GDF5: variants seen among roughly 807,000 people sequenced by gnomAD.
The protein encoded by GDF5 is growth/differentiation factor 5.
A neutral mutation model predicts 34.6 loss-of-function variants in GDF5; 17 were observed. That is an observed-to-expected ratio of 0.49 (90% confidence interval 0.34 to 0.74). The LOEUF (loss-of-function observed/expected upper bound fraction) is 0.74. Among genes scored for constraint, GDF5 ranks in the 30% least tolerant of loss-of-function variants. The probability of loss-of-function intolerance (pLI) is 0.01; values close to 1 mark genes in which losing one functional copy is unlikely to be tolerated. For synonymous variants in GDF5, 332 were observed against 290.7 expected (o/e 1.14, Z -1.44); for missense variants, 616 against 661.2 (o/e 0.93, Z 0.75).
intron 1 of GDF5, among the ~76,000 whole-genome samples, chr20:35,444,890 G>A (rs1026244176): frequency 4.6e-5 from 7 of 152,060 alleles, no homozygotes; most frequent in African/African-American, 9.7e-5. Flanking sequence ...ACCGCACCCC[G>A]TCTAATTTTT....
chr20:35,440,730 A>G (rs149328451), upstream of GDF5, among the ~76,000 whole-genome samples: 99 of 152,236 alleles, frequency 6.5e-4, no homozygotes, highest in African/African-American at 2.4e-3. Context: ...ATTTTGTCAT[A>G]TTTTAAAATC....
At chr20:35,436,509 G>A (rs2062473417) in intron 1 of GDF5, among the ~76,000 whole-genome samples, 1 of 152,140 alleles carries the variant, frequency 6.6e-6, no homozygotes, top group Non-Finnish European at 1.5e-5. Context: ...GGAGGGACTT[G>A]CTTAGATCAC....
upstream of GDF5, among the ~76,000 whole-genome samples, chr20:35,438,861 T>A (rs1166982607): frequency 3.3e-4 from 11 of 33,318 alleles, no homozygotes; most frequent in Non-Finnish European, 5.7e-4. Flanking sequence ...GTGTGTGTGT[T>A]TATGTGCCTG....
At chr20:35,452,214 A>G (rs1319398089) in intron 1 of GDF5, among the ~76,000 whole-genome samples, 1 of 152,128 alleles carries the variant, frequency 6.6e-6, no homozygotes, top group Non-Finnish European at 1.5e-5. Context: ...GGCTCAGATA[A>G]TATCCAGTTG....
At chr20:35,453,724 G>A (rs527634621) in intron 1 of GDF5, among the ~76,000 whole-genome samples, 2 of 152,080 alleles carry the variant, frequency 1.3e-5, no homozygotes, top group South Asian at 4.1e-4. Context: ...TGTTCTTACA[G>A]GAGAAAGATA....
upstream of GDF5, among the ~76,000 whole-genome samples, chr20:35,442,509 C>T (rs2062501055): frequency 6.7e-6 from 1 of 149,958 alleles, no homozygotes; most frequent in South Asian, 2.1e-4. Context: ...CCGCCGTGCC[C>T]AGCCCGAAGG....
At chr20:35,436,999 G>A (rs368382933) in intron 1 of GDF5, among the ~76,000 whole-genome samples, 17 of 152,180 alleles carry the variant, frequency 1.1e-4, no homozygotes, top group South Asian at 6.2e-4. Flanking sequence ...ATCAAGTCTC[G>A]GAATCTGGTC....
rs535023630 is a variant in GDF5, at chr20:35,433,520, G to A, written c.*389C>T. The A allele has an allele frequency of 6.3e-5, 22 of 348,776 alleles. No homozygotes were observed. The East Asian group carries it at 1.3e-3, about 20-fold the overall frequency. 21.6% of individuals were successfully genotyped at this position (348,776 alleles called of 1,614,324 possible). On this transcript the variant is annotated 3_prime_UTR_variant, in exon 2 of 2. Transcript: ENST00000374369. ...GTCACCAGGCACAAATGTGATTTGAGGAGGCAGTGGCACCTGTGGCTCTCC... is the reference window on the plus strand; with the variant it reads ...GTCACCAGGCACAAATGTGATTTGAAGAGGCAGTGGCACCTGTGGCTCTCC...
chr20:35,434,332 G>A lies in GDF5; in HGVS notation c.1083C>T (p.Arg361=), dbSNP rs143723090. 4.2e-5 allele frequency: 68 copies of A among 1,614,054 alleles called. 1 individual carries two copies. The African/African-American group carries it at 7.5e-4, about 18-fold the overall frequency. The change falls in exon 2 of 2, where the codon CGC becomes CGT. Residue 361 remains arginine (R), a synonymous_variant. Transcript: ENST00000374369. ...ACACGGTCTTATCGTCCTGGCCAGA[G>A]CGGGCCTTAATCTCATTAAAGAACA... The part of the protein sequence containing the change: ...RDLFFNEIKA[R]SGQDDKTVYE...
upstream of GDF5, chr20:35,438,358 T>TCACTCACACACACA (rs1321844173): frequency 1.0e-4 from 16 of 160,018 alleles, no homozygotes; most frequent in Non-Finnish European, 2.0e-4. Flanking sequence ...TGAAAATACT[T>TCACTCACACACACA]CACACACACA....
At chr20:35,452,984 G>T (rs1275718541) in intron 1 of GDF5, among the ~76,000 whole-genome samples, 1 of 152,008 alleles carries the variant, frequency 6.6e-6, no homozygotes, top group African/African-American at 2.4e-5. Flanking sequence ...GTGCGGTGGC[G>T]CATGCCTGTA....
At chr20:35,443,322 C>G (rs535254662) in intron 1 of GDF5, among the ~76,000 whole-genome samples, 2 of 152,090 alleles carry the variant, frequency 1.3e-5, no homozygotes, top group East Asian at 1.9e-4. Context: ...CAACCTCCCC[C>G]TCTCCTGTCA....
Position 35,435,800 on chromosome 20 carries a change from T to C in GDF5, c.632-1017A>G, listed in dbSNP as rs1202557517. ...ATGCATGTGTGTGATTGGGTTCATATGTGAATATGAAAGAGTGTATACGTT... is the reference window on the plus strand; with the variant it reads ...ATGCATGTGTGTGATTGGGTTCATACGTGAATATGAAAGAGTGTATACGTT... On this transcript the variant is annotated intron_variant, in intron 1 of 1. Coordinates refer to ENST00000374369, the MANE Select transcript of GDF5 (RefSeq NM_000557.5). Among the ~76,000 whole-genome samples the C allele has an allele frequency of 2.6e-5, 4 of 152,196 alleles. No individual in the cohort carries two copies. In the East Asian group the frequency reaches 7.7e-4, roughly 29 times the overall value.
At chr20:35,453,789 TG>T in intron 1 of GDF5, among the ~76,000 whole-genome samples, 1 of 152,368 alleles carries the variant, frequency 6.6e-6, no homozygotes, top group African/African-American at 2.4e-5. Flanking sequence ...TGGATTAACC[TG>T]AAGCCTTGCT....
At position 35,437,532 on chromosome 20, in the gene GDF5, C is replaced by T. The variant is rs752877484; in HGVS notation, c.397G>A (p.Ala133Thr). 1.9e-6 allele frequency: 3 copies of T among 1,614,106 alleles called. No individual in the cohort carries two copies. Among genetic ancestry groups the T allele is most frequent in the Non-Finnish European group, 2.5e-6 (3 of 1,179,990 alleles). ...GGGACAGATCCTGCTTTTGGGGGTG[C>T]CTTGCCTCCGGGAAGCTGTCCTTTT... Reference protein sequence around the residue: ...TPKGQLPGGKAPPKAGSVPSS... With the variant: ...TPKGQLPGGKTPPKAGSVPSS... The change falls in exon 1 of 2, where the codon GCA becomes ACA. Residue 133 changes from alanine (A) to threonine (T), a missense_variant. Transcript: ENST00000374369.
At chr20:35,441,921 T>C (rs2062499102), upstream of GDF5, among the ~76,000 whole-genome samples, 1 of 151,800 alleles carries the variant, frequency 6.6e-6, no homozygotes, top group Non-Finnish European at 1.5e-5. Context: ...TGGAGTGCAA[T>C]GGCGTGATCA....
Position 35,437,864 on chromosome 20 carries a change from A to G in GDF5, c.65T>C (p.Ile22Thr), listed in dbSNP as rs376503178. The change falls in exon 1 of 2, where the codon ATC (isoleucine) becomes ACC (threonine). Residue 22 changes from isoleucine to threonine, a missense_variant. Ile to Thr is a moderately conservative substitution (Grantham distance 89). Transcript: ENST00000374369. ...GTCAGGGGCACCCAACACAGTGCAG[A>G]TGAATTCCAGGTCCAGCCAAGCCAG... ...WYLAWLDLEF[I>T]CTVLGAPDLG... The G allele has an allele frequency of 3.1e-6, 5 of 1,614,012 alleles. No homozygotes were observed. Among genetic ancestry groups the G allele is most frequent in the Non-Finnish European group, 4.2e-6 (5 of 1,180,034 alleles).
At chr20:35,452,686 T>C (rs561082872) in intron 1 of GDF5, among the ~76,000 whole-genome samples, 17 of 151,704 alleles carry the variant, frequency 1.1e-4, no homozygotes, top group Non-Finnish European at 1.9e-4. Context: ...CCTCCCAAAG[T>C]GCTGGGATTA....
At chr20:35,449,529 C>G (rs1027311319) in intron 1 of GDF5, among the ~76,000 whole-genome samples, 2 of 152,106 alleles carry the variant, frequency 1.3e-5, no homozygotes, top group Non-Finnish European at 2.9e-5. Flanking sequence ...ATTTACTACA[C>G]TGTGTGTGTG....
Sources: gnomAD v4.1 joint callset for allele counts (sites outside exome capture counted in the v4.1 genomes callset) on GRCh38, gnomAD v4.1.1 for gene constraint, MANE v1.5 for transcripts, NCBI Gene and HGNC (gene_info 2026-07-23, HGNC 2026-07-21) for gene names.